ROR1: variants seen among roughly 807,000 people sequenced by gnomAD.
ROR1 encodes the protein ROR family WNT receptor 1.
In ROR1, 19 loss-of-function variants were observed where a neutral mutation model predicts 78.8. The ratio of observed to expected loss-of-function variants is 0.24; its 90% CI spans 0.17 to 0.35. The LOEUF (loss-of-function observed/expected upper bound fraction) is 0.35, where lower values mean the gene tolerates loss of function less well. Among genes scored for constraint, ROR1 ranks in the 10% least tolerant of loss-of-function variants. The pLI is 1.00. For missense variants in ROR1, 917 were observed against 1,177.8 expected, an observed-to-expected ratio of 0.78 and a Z score of 3.24; for synonymous variants, 386 against 433.6, an observed-to-expected ratio of 0.89 and a Z score of 1.36.
intron 1 of ROR1, among the ~76,000 whole-genome samples, chr1:63,932,686 T>C (rs1301541780): frequency 6.6e-6 from 1 of 152,164 alleles, no homozygotes; most frequent in Non-Finnish European, 1.5e-5. Flanking sequence ...CCCTGCTTTA[T>C]AGAAGGGAAA....
intron 1 of ROR1, among the ~76,000 whole-genome samples, chr1:63,937,832 T>C (rs1158983114): frequency 6.6e-6 from 1 of 152,216 alleles, no homozygotes; most frequent in Non-Finnish European, 1.5e-5. Flanking sequence ...AGTCTGTAGA[T>C]GTTGATTAGT....
At chr1:63,800,496 G>A (rs1557502867) in intron 1 of ROR1, among the ~76,000 whole-genome samples, 1 of 152,108 alleles carries the variant, frequency 6.6e-6, no homozygotes. Context: ...TTTCCTGGGT[G>A]TAGGAAACTG....
At chr1:63,867,615 T>C (rs1645224637) in intron 1 of ROR1, among the ~76,000 whole-genome samples, 1 of 152,222 alleles carries the variant, frequency 6.6e-6, no homozygotes, top group African/African-American at 2.4e-5. Flanking sequence ...GCCTGTGTTA[T>C]GTCAGGGGTA....
At chr1:63,843,350 GC>G in intron 1 of ROR1, 1 of 945,498 alleles carries the variant, frequency 1.1e-6, no homozygotes, top group African/African-American at 1.6e-5. Flanking sequence ...AGATCATTTT[GC>G]TTTTAAGGGG....
chr1:63,891,088 T>C (rs1645392550), intron 1 of ROR1, among the ~76,000 whole-genome samples: 1 of 152,164 alleles, frequency 6.6e-6, no homozygotes, highest in Non-Finnish European at 1.5e-5. Context: ...ATGTCACATG[T>C]CAAACTACTT....
intron 7 of ROR1, among the ~76,000 whole-genome samples, chr1:64,156,209 G>T (rs1023428717): frequency 1.3e-5 from 2 of 152,222 alleles, no homozygotes; most frequent in African/African-American, 4.8e-5. Flanking sequence ...TTTTACAGAT[G>T]AGTTTGCTTG....
intron 1 of ROR1, among the ~76,000 whole-genome samples, chr1:63,812,143 G>T (rs1205273170): frequency 6.6e-6 from 1 of 152,044 alleles, no homozygotes; most frequent in Non-Finnish European, 1.5e-5. Context: ...TGTATCTTTA[G>T]TAGAGACAGG....
chr1:63,843,108 G>A, intron 1 of ROR1: 1 of 621,142 alleles, frequency 1.6e-6, no homozygotes, highest in South Asian at 1.7e-5. Context: ...AGCCCCTCTG[G>A]TCTGGGAGGA....
At position 63,869,351 on chromosome 1, in the gene ROR1, C is replaced by A. The variant is rs561623287; in HGVS notation, c.91+94843C>A. On this transcript the variant is annotated intron_variant, in intron 1 of 8. Coordinates refer to ENST00000371079, the MANE Select transcript of ROR1 (RefSeq NM_005012.4). ...GGAGTCTGAATATACTGGTATCAGCCCAGTGTCCTTCCACACTGGCCTGCA... is the reference window on the plus strand; with the variant it reads ...GGAGTCTGAATATACTGGTATCAGCACAGTGTCCTTCCACACTGGCCTGCA... Among the ~76,000 whole-genome samples the A allele has an allele frequency of 2.5e-4, 38 of 152,302 alleles. 1 individual carries two copies. In the South Asian group the frequency reaches 7.5e-3, roughly 30 times the overall value.
At chr1:63,858,476 A>G (rs917104659) in intron 1 of ROR1, among the ~76,000 whole-genome samples, 35 of 152,310 alleles carry the variant, frequency 2.3e-4, no homozygotes, top group Middle Eastern at 6.8e-3. Context: ...TGTATTTTGC[A>G]TATTTTCCTA....
chr1:64,000,897 T>G (rs1646377400), intron 1 of ROR1, among the ~76,000 whole-genome samples: 1 of 152,232 alleles, frequency 6.6e-6, no homozygotes, highest in African/African-American at 2.4e-5. Flanking sequence ...TATCACATAT[T>G]TACTTTTAGA....
intron 4 of ROR1, among the ~76,000 whole-genome samples, chr1:64,083,242 G>C (rs979604466): frequency 2.6e-5 from 4 of 152,128 alleles, no homozygotes; most frequent in African/African-American, 9.7e-5. Context: ...ACATGAAATA[G>C]AGAGAGAGCT....
At position 64,142,404 on chromosome 1, in the gene ROR1, G is replaced by C. The variant is rs1166807123; in HGVS notation, c.929-1G>C. The C allele has an allele frequency of 6.2e-7, 1 of 1,613,816 alleles. No homozygotes were observed. On this transcript the variant is annotated splice_acceptor_variant, in intron 6 of 8. Transcript: ENST00000371079. LOFTEE classifies it high-confidence loss of function. ...TGTTTGGGTTTTTGTGTGTTTTTCAGATCACAAGTGTTATAACAGCACAGG... is the reference window on the plus strand; with the variant it reads ...TGTTTGGGTTTTTGTGTGTTTTTCACATCACAAGTGTTATAACAGCACAGG...
chr1:63,893,209 T>C (rs1225411672), intron 1 of ROR1, among the ~76,000 whole-genome samples: 1 of 151,972 alleles, frequency 6.6e-6, no homozygotes, highest in African/African-American at 2.4e-5. Flanking sequence ...AGGATTTTTG[T>C]ATTGAGAGGG....
chr1:63,972,868 C>T (rs912360249), intron 1 of ROR1, among the ~76,000 whole-genome samples: 3 of 152,220 alleles, frequency 2.0e-5, no homozygotes, highest in African/African-American at 7.2e-5. Context: ...TATACAGTTT[C>T]TTTATAGTCA....
chr1:63,929,601 A>T (rs955980394), intron 1 of ROR1, among the ~76,000 whole-genome samples: 19 of 152,204 alleles, frequency 1.2e-4, no homozygotes, highest in African/African-American at 4.6e-4. Context: ...AGCTTCTAGT[A>T]CTTGGGGATG....
At chr1:63,797,701 A>G (rs543037740) in intron 1 of ROR1, among the ~76,000 whole-genome samples, 45 of 152,216 alleles carry the variant, frequency 3.0e-4, no homozygotes, top group Non-Finnish European at 5.9e-4. Context: ...TGTGAGGGCT[A>G]TATATATCTT....
chr1:63,887,360 T>C (rs974104163), intron 1 of ROR1, among the ~76,000 whole-genome samples: 5 of 152,144 alleles, frequency 3.3e-5, no homozygotes, highest in African/African-American at 9.7e-5. Context: ...TTTGAATACA[T>C]GAGGTAATTT....
At chr1:63,887,775 G>A (rs1361397639) in intron 1 of ROR1, among the ~76,000 whole-genome samples, 1 of 152,178 alleles carries the variant, frequency 6.6e-6, no homozygotes, top group African/African-American at 2.4e-5. Flanking sequence ...TGACAATGAT[G>A]GGCCTAGGTG....
Sources: gnomAD v4.1 joint callset for allele counts (sites outside exome capture counted in the v4.1 genomes callset) on GRCh38, gnomAD v4.1.1 for gene constraint, MANE v1.5 for transcripts, NCBI Gene and HGNC (gene_info 2026-07-23, HGNC 2026-07-21) for gene names.